Variants in C3orf70 observed in about 807,000 individuals in gnomAD.
C3orf70 encodes chromosome 3 open reading frame 70, also known as UPF0524 protein C3orf70.
A neutral mutation model predicts 20.7 loss-of-function variants in C3orf70; 15 were observed. That is an observed-to-expected ratio of 0.72 (90% CI 0.48 to 1.11). The LOEUF (loss-of-function observed/expected upper bound fraction) is 1.11, where lower values mean the gene tolerates loss of function less well. C3orf70 is among the 50% of genes most tolerant of loss of function. C3orf70 has a pLI of 0.00. For missense variants in C3orf70, 332 were observed against 317.6 expected (o/e 1.05, Z -0.34); for synonymous variants, 161 against 125.7 (o/e 1.28, Z -1.88).
intron 1 of C3orf70, among the ~76,000 whole-genome samples, chr3:185,125,177 C>T (rs1716381282): frequency 6.6e-6 from 1 of 152,000 alleles, no homozygotes; most frequent in Non-Finnish European, 1.5e-5. Context: ...GTCGGGAGTT[C>T]GAGACCAGCT....
intron 1 of C3orf70, among the ~76,000 whole-genome samples, chr3:185,085,175 T>C (rs750108063): frequency 7.9e-5 from 12 of 152,272 alleles, no homozygotes; most frequent in Admixed American, 2.6e-4. Context: ...GAATTACTCA[T>C]GTGTATGGTA....
At chr3:185,121,652 T>A (rs551709550) in intron 1 of C3orf70, among the ~76,000 whole-genome samples, 11 of 151,486 alleles carry the variant, frequency 7.3e-5, no homozygotes, top group African/African-American at 2.7e-4. Flanking sequence ...GGAGAGAGAG[T>A]GTAATGAGAC....
intron 1 of C3orf70, among the ~76,000 whole-genome samples, chr3:185,140,454 G>C (rs944520213): frequency 6.6e-6 from 1 of 152,144 alleles, no homozygotes; most frequent in African/African-American, 2.4e-5. Context: ...ATAAGCACGT[G>C]AACATTAGCC....
chr3:185,125,287 G>C (rs9854016), intron 1 of C3orf70, among the ~76,000 whole-genome samples: 3,410 of 152,160 alleles, frequency 0.022, 107 homozygotes, highest in African/African-American at 0.077. Context: ...GCTTGAGGCA[G>C]GAGAATCGCT....
chr3:185,146,998 G>C (rs896720411), intron 1 of C3orf70, among the ~76,000 whole-genome samples: 1 of 152,196 alleles, frequency 6.6e-6, no homozygotes, highest in South Asian at 2.1e-4. Flanking sequence ...AAGGACCAGA[G>C]ATATTAAACT....
intron 1 of C3orf70, among the ~76,000 whole-genome samples, chr3:185,110,389 G>C (rs968465201): frequency 1.3e-5 from 2 of 152,242 alleles, no homozygotes; most frequent in African/African-American, 4.8e-5. Context: ...TGGAAGCTCT[G>C]TGATTTCAAT....
intron 1 of C3orf70, among the ~76,000 whole-genome samples, chr3:185,122,631 T>C (rs543003047): frequency 1.2e-4 from 19 of 152,268 alleles, no homozygotes; most frequent in Admixed American, 5.2e-4. Flanking sequence ...ATCAACTTGA[T>C]TGGATTAAGC....
At chr3:185,122,090 C>CG (rs1309294273) in intron 1 of C3orf70, among the ~76,000 whole-genome samples, 1 of 140,730 alleles carries the variant, frequency 7.1e-6, no homozygotes, top group Non-Finnish European at 1.5e-5. Context: ...CAGAGCGAGA[C>CG]TCCGTCTCAA....
intron 1 of C3orf70, among the ~76,000 whole-genome samples, chr3:185,139,346 A>G (rs1716698457): frequency 6.6e-6 from 1 of 152,080 alleles, no homozygotes; most frequent in Non-Finnish European, 1.5e-5. Flanking sequence ...AGAGGTCAGG[A>G]GTTCGAGACC....
intron 1 of C3orf70, among the ~76,000 whole-genome samples, chr3:185,139,261 C>A (rs1340360736): frequency 6.6e-6 from 1 of 151,626 alleles, no homozygotes; most frequent in Non-Finnish European, 1.5e-5. Flanking sequence ...GGGAAAAAAT[C>A]AGTCTACCCA....
intron 1 of C3orf70, among the ~76,000 whole-genome samples, chr3:185,121,603 C>T (rs919925383): frequency 7.9e-5 from 12 of 152,018 alleles, no homozygotes; most frequent in African/African-American, 2.9e-4. Context: ...ACTAGTTCTA[C>T]AAACTGAATT....
chr3:185,123,507 CTT>C (rs35575125), intron 1 of C3orf70, among the ~76,000 whole-genome samples: 18 of 140,176 alleles, frequency 1.3e-4, no homozygotes, highest in Middle Eastern at 3.8e-3. Flanking sequence ...TTTTTCTTTC[CTT>C]TTTTTTTTTT....
At position 185,083,128 on chromosome 3, in the gene C3orf70, G is replaced by A; in HGVS notation, c.632C>T (p.Ala211Val). Residue 211 changes from alanine (A) to valine (V), a missense_variant, in exon 2 of 2, where the codon GCA (alanine) becomes GTA (valine). Coordinates refer to ENST00000335012, the MANE Select transcript of C3orf70 (RefSeq NM_001025266.3). ...ESCDEDTEEG[A>V]ELSSEEDYSP... is the part of the protein sequence containing the mutation. ...GTAATCTTCCTCTGAACTCAGTTCT[G>A]CTCCTTCTTCTGTGTCCTCGTCACA... is the stretch of plus-strand genomic sequence containing the variant. The A allele has an allele frequency of 6.2e-7, 1 of 1,614,120 alleles. No individual in the cohort carries two copies. Among genetic ancestry groups the A allele is most frequent in the Non-Finnish European group, 8.5e-7 (1 of 1,180,020 alleles).
intron 1 of C3orf70, among the ~76,000 whole-genome samples, chr3:185,134,791 AG>A (rs1716589464): frequency 6.6e-6 from 1 of 152,182 alleles, no homozygotes; most frequent in African/African-American, 2.4e-5. Context: ...TACTCTAGCC[AG>A]GAAGTGTCAG....
At chr3:185,150,077 C>CA (rs1211312856) in intron 1 of C3orf70, among the ~76,000 whole-genome samples, 2 of 151,950 alleles carry the variant, frequency 1.3e-5, no homozygotes, top group East Asian at 3.8e-4. Context: ...GCAGTAAAAA[C>CA]AGTGTGTTGG....
intron 1 of C3orf70, among the ~76,000 whole-genome samples, chr3:185,115,086 C>T (rs1716148855): frequency 6.6e-6 from 1 of 152,172 alleles, no homozygotes; most frequent in Admixed American, 6.5e-5. Context: ...ATAATAAATG[C>T]TCAGGTCCTA....
chr3:185,112,059 G>A (rs1314863904), intron 1 of C3orf70, among the ~76,000 whole-genome samples: 1 of 152,144 alleles, frequency 6.6e-6, no homozygotes, highest in Non-Finnish European at 1.5e-5. Context: ...GGGAGGCTGA[G>A]GCAGGTGGAT....
chr3:185,123,136 G>T (rs966162228), intron 1 of C3orf70, among the ~76,000 whole-genome samples: 1 of 132,600 alleles, frequency 7.5e-6, no homozygotes, highest in East Asian at 2.2e-4. Context: ...CCAAGATCGC[G>T]CCACTGCACT....
intron 1 of C3orf70, among the ~76,000 whole-genome samples, chr3:185,124,511 A>T (rs943428056): frequency 6.6e-6 from 1 of 152,216 alleles, no homozygotes; most frequent in Non-Finnish European, 1.5e-5. Context: ...GTAAATAACA[A>T]ACTTTTGTAA....
Sources: allele counts gnomAD v4.1 joint callset (sites outside exome capture counted in the v4.1 genomes callset), GRCh38; gene constraint gnomAD v4.1.1; transcripts MANE v1.5; gene names NCBI Gene and HGNC (gene_info 2026-07-23, HGNC 2026-07-21).